CDH18: variants seen among roughly 807,000 people sequenced by gnomAD.
CDH18 encodes the protein cadherin-18.
A neutral mutation model predicts 67.9 loss-of-function variants in CDH18; 31 were observed. That is an observed-to-expected ratio of 0.46 (90% CI 0.34 to 0.62). The LOEUF (loss-of-function observed/expected upper bound fraction) is 0.62, where lower values mean the gene tolerates loss of function less well. CDH18 is among the 20% of genes least tolerant of loss of function. The pLI is 0.01. For synonymous variants in CDH18, 362 were observed against 347.2 expected (o/e 1.04, Z -0.48); for missense variants, 890 against 975.5 (o/e 0.91, Z 1.17).
At chr5:19,668,052 A>T (rs567849023) in intron 5 of CDH18, among the ~76,000 whole-genome samples, 14 of 152,196 alleles carry the variant, frequency 9.2e-5, no homozygotes, top group African/African-American at 3.4e-4. Flanking sequence ...TCAAAATCAT[A>T]GTCAGTATAC....
In CDH18 at chr5:20,536,255, T is replaced by G. The variant is rs948795460; in HGVS notation, c.-580+39207A>C. Among the ~76,000 whole-genome samples the G allele has an allele frequency of 2.0e-5, 3 of 152,228 alleles. No homozygotes were observed. In the East Asian group the frequency reaches 5.8e-4, roughly 29 times the overall value. On this transcript the variant is annotated intron_variant, in intron 1 of 14. Coordinates refer to the CDH18 transcript ENST00000507958. ...GTTAACGTGAATTTTTTATCGATTA[T>G]AAAATCTAGTTTATTGAGTAGTAGT...
intron 1 of CDH18, among the ~76,000 whole-genome samples, chr5:20,321,024 T>C (rs190333755): frequency 8.7e-4 from 132 of 152,316 alleles, no homozygotes; most frequent in Non-Finnish European, 1.6e-3. Flanking sequence ...AGTCTCCACT[T>C]GTATCCTCTC....
intron 2 of CDH18, among the ~76,000 whole-genome samples, chr5:20,167,960 T>C (rs1236703775): frequency 6.6e-6 from 1 of 152,168 alleles, no homozygotes; most frequent in Admixed American, 6.6e-5. Context: ...AAATGTGTGG[T>C]GTGGATCTAA....
chr5:20,061,058 ATATAC>A (rs1260874031), intron 2 of CDH18, among the ~76,000 whole-genome samples: 6 of 152,002 alleles, frequency 3.9e-5, no homozygotes, highest in Non-Finnish European at 8.8e-5. Flanking sequence ...ATTCTGAGAA[ATATAC>A]TATATATGAT....
At chr5:19,726,922 C>T (rs1766917956) in intron 4 of CDH18, among the ~76,000 whole-genome samples, 1 of 152,128 alleles carries the variant, frequency 6.6e-6, no homozygotes, top group Admixed American at 6.6e-5. Flanking sequence ...CCACAAAGAG[C>T]TTCCTCATTC....
At chr5:19,894,459 A>G (rs945540808) in intron 2 of CDH18, among the ~76,000 whole-genome samples, 1 of 152,090 alleles carries the variant, frequency 6.6e-6, no homozygotes, top group Non-Finnish European at 1.5e-5. Flanking sequence ...ACAAGATCAT[A>G]AGTCACTAGG....
intron 1 of CDH18, among the ~76,000 whole-genome samples, chr5:19,984,937 G>C (rs754728254): frequency 9.2e-5 from 14 of 152,108 alleles, no homozygotes; most frequent in Admixed American, 1.3e-4. Context: ...AGAATAACCA[G>C]AGTGAATGCT....
At chr5:20,175,347 C>G (rs1286544337) in intron 2 of CDH18, among the ~76,000 whole-genome samples, 1 of 152,142 alleles carries the variant, frequency 6.6e-6, no homozygotes, top group Non-Finnish European at 1.5e-5. Flanking sequence ...CTCTCTCCTG[C>G]TGCCTCCTAT....
At chr5:20,024,809 TGG>T (rs1738749131) in intron 2 of CDH18, among the ~76,000 whole-genome samples, 2 of 152,044 alleles carry the variant, frequency 1.3e-5, no homozygotes, top group South Asian at 4.1e-4. Context: ...CAAAACATGG[TGG>T]GGGCTAAAGC....
intron 2 of CDH18, among the ~76,000 whole-genome samples, chr5:20,062,144 A>ATTATTATTATTG (rs1742549552): frequency 7.0e-6 from 1 of 143,450 alleles, no homozygotes; most frequent in African/African-American, 2.6e-5. Context: ...GCCCAGAATT[A>ATTATTATTATTG]TTATTATTAT....
chr5:19,490,816 G>A (rs2126665998), intron 11 of CDH18, among the ~76,000 whole-genome samples: 2 of 152,186 alleles, frequency 1.3e-5, no homozygotes, highest in African/African-American at 4.8e-5. Context: ...AAGGTGAGAG[G>A]TGGTGTGGGC....
Position 19,823,633 on chromosome 5 carries a change from G to A in CDH18, c.228+15126C>T, listed in dbSNP as rs1428769015. 2.6e-5 allele frequency among the ~76,000 whole-genome samples: 4 copies of A among 152,284 alleles called. No homozygotes were observed. In the East Asian group the frequency reaches 7.7e-4, roughly 29 times the overall value. ...ACTTAGCCACAATAAAATAGTGGAG[G>A]ACTTATCACCCCACTGACAGCTTTA... On this transcript the variant is annotated intron_variant, in intron 3 of 12. Transcript: ENST00000382275.
intron 2 of CDH18, 142 bp from the exon 3 acceptor site, chr5:19,839,384 A>C: frequency 1.0e-5 from 2 of 192,584 alleles, no homozygotes; most frequent in Non-Finnish European, 2.2e-5. Flanking sequence ...CCACAAACCT[A>C]TACACCTATA....
At chr5:20,485,569 A>C (rs1753112698) in intron 1 of CDH18, among the ~76,000 whole-genome samples, 1 of 152,018 alleles carries the variant, frequency 6.6e-6, no homozygotes, top group African/African-American at 2.4e-5. Context: ...CATCTAATAA[A>C]TTTCCTCTAT....
chr5:19,678,100 T>G (rs1759752230), intron 5 of CDH18, among the ~76,000 whole-genome samples: 1 of 151,928 alleles, frequency 6.6e-6, no homozygotes, highest in South Asian at 2.1e-4. Flanking sequence ...ATTTGAGATC[T>G]AAAGATAATA....
chr5:20,170,116 C>G (rs1403600352), intron 2 of CDH18, among the ~76,000 whole-genome samples: 2 of 151,950 alleles, frequency 1.3e-5, no homozygotes, highest in Non-Finnish European at 2.9e-5. Flanking sequence ...CACCTATCAA[C>G]AGATCACCTA....
chr5:20,200,543 G>A (rs1739370606), intron 2 of CDH18, among the ~76,000 whole-genome samples: 1 of 152,064 alleles, frequency 6.6e-6, no homozygotes, highest in African/African-American at 2.4e-5. Context: ...GGGCTTGGTG[G>A]TGTGTATCTG....
At chr5:19,740,239 T>C (rs531589463) in intron 4 of CDH18, among the ~76,000 whole-genome samples, 9 of 152,252 alleles carry the variant, frequency 5.9e-5, no homozygotes, top group East Asian at 1.9e-4. Context: ...ATAGGTATAC[T>C]AATACACAGA....
At chr5:20,326,659 T>C (rs1738619044) in intron 1 of CDH18, among the ~76,000 whole-genome samples, 1 of 151,762 alleles carries the variant, frequency 6.6e-6, no homozygotes, top group African/African-American at 2.4e-5. Context: ...CTGCCTCAGC[T>C]TTCTGAGTAG....
Sources: allele counts gnomAD v4.1 joint callset (sites outside exome capture counted in the v4.1 genomes callset), GRCh38; gene constraint gnomAD v4.1.1; transcripts MANE v1.5; gene names NCBI Gene and HGNC (gene_info 2026-07-23, HGNC 2026-07-21).